Variants in DNAJC15 observed in about 807,000 individuals in gnomAD.
DNAJC15 encodes the protein dnaJ homolog subfamily C member 15.
A neutral mutation model predicts 22.4 loss-of-function variants in DNAJC15; 27 were observed. The ratio of observed to expected loss-of-function variants is 1.20; its 90% CI spans 0.89 to 1.66. The LOEUF is 1.66. Among genes scored for constraint, DNAJC15 ranks in the 40% most tolerant of loss-of-function variants. DNAJC15 has a pLI of 0.00. For missense variants in DNAJC15, 208 were observed against 187.1 expected, an observed-to-expected ratio of 1.11 and a Z score of -0.65; for synonymous variants, 79 against 63.2, an observed-to-expected ratio of 1.25 and a Z score of -1.19.
At chr13:43,049,289 CT>C (rs1736217815) in intron 1 of DNAJC15, among the ~76,000 whole-genome samples, 1 of 152,122 alleles carries the variant, frequency 6.6e-6, no homozygotes, top group South Asian at 2.1e-4. Context: ...CATTCTGTTA[CT>C]GGCAGTTTAG....
intron 4 of DNAJC15, among the ~76,000 whole-genome samples, chr13:43,081,464 A>T (rs2153441442): frequency 6.6e-6 from 1 of 151,294 alleles, no homozygotes; most frequent in East Asian, 1.9e-4. Context: ...TTTGAGACAG[A>T]GTCTTGCTCT....
intron 1 of DNAJC15, among the ~76,000 whole-genome samples, chr13:43,034,593 G>A (rs903142712): frequency 4.0e-4 from 60 of 148,812 alleles, no homozygotes; most frequent in Middle Eastern, 3.4e-3. Context: ...AGGATTACAG[G>A]CGTGAGCCAC....
At chr13:43,024,043 G>A (rs1186664314) in intron 1 of DNAJC15, among the ~76,000 whole-genome samples, 1 of 152,204 alleles carries the variant, frequency 6.6e-6, no homozygotes, top group Non-Finnish European at 1.5e-5. Context: ...TATCTCATAG[G>A]AGGCCCTAAA....
intron 5 of DNAJC15, among the ~76,000 whole-genome samples, chr13:43,093,559 T>G (rs1053580144): frequency 1.3e-5 from 2 of 152,100 alleles, no homozygotes; most frequent in African/African-American, 4.8e-5. Context: ...AATAGGTGTG[T>G]GCCAACATAC....
chr13:43,043,654 G>A (rs1367041895), intron 1 of DNAJC15, among the ~76,000 whole-genome samples: 1 of 152,088 alleles, frequency 6.6e-6, no homozygotes, highest in Non-Finnish European at 1.5e-5. Flanking sequence ...TAAGAGTTTT[G>A]TTTCCTAACA....
chr13:43,081,648 A>G (rs1015060415), intron 4 of DNAJC15, among the ~76,000 whole-genome samples: 2 of 151,904 alleles, frequency 1.3e-5, no homozygotes, highest in African/African-American at 2.4e-5. Context: ...CCGTGTTAGC[A>G]GGATGGTCTC....
chr13:43,085,700 T>A, intron 4 of DNAJC15, 68 bp from the exon 5 acceptor site: 1 of 1,395,734 alleles, frequency 7.2e-7, no homozygotes, highest in Non-Finnish European at 9.9e-7. Flanking sequence ...TTGAAACCCA[T>A]ATAAACCCTT....
intron 3 of DNAJC15, among the ~76,000 whole-genome samples, chr13:43,077,883 TCATA>T (rs1393793906): frequency 2.0e-5 from 3 of 152,224 alleles, no homozygotes; most frequent in African/African-American, 7.2e-5. Flanking sequence ...CCGCCTTAGT[TCATA>T]CCATCATCAT....
intron 5 of DNAJC15, among the ~76,000 whole-genome samples, chr13:43,101,825 T>G (rs1420766406): frequency 1.4e-4 from 21 of 152,208 alleles, no homozygotes; most frequent in Admixed American, 1.4e-3. Flanking sequence ...TTCTTTATCC[T>G]CATGTTGGTT....
At chr13:43,034,305 C>CTTTTTTTTTTTT (rs753362468) in intron 1 of DNAJC15, among the ~76,000 whole-genome samples, 1 of 60,606 alleles carries the variant, frequency 1.7e-5, no homozygotes, top group African/African-American at 7.5e-5. Flanking sequence ...GAGATTTGTC[C>CTTTTTTTTTTTT]TTTTTTTTTT....
At chr13:43,072,065 C>G (rs1393231328) in intron 3 of DNAJC15, among the ~76,000 whole-genome samples, 1 of 152,200 alleles carries the variant, frequency 6.6e-6, no homozygotes, top group Non-Finnish European at 1.5e-5. Flanking sequence ...TCCCGCATTC[C>G]TGCATACTCA....
intron 1 of DNAJC15, among the ~76,000 whole-genome samples, chr13:43,051,919 G>A (rs1402432839): frequency 6.6e-6 from 1 of 152,106 alleles, no homozygotes; most frequent in East Asian, 1.9e-4. Context: ...CAGTGTAAAA[G>A]TGTTCCCTTT....
chr13:43,069,513 A>AT (rs1221038270), intron 3 of DNAJC15, among the ~76,000 whole-genome samples: 1 of 152,220 alleles, frequency 6.6e-6, no homozygotes, highest in Non-Finnish European at 1.5e-5. Context: ...CTTATTATAC[A>AT]TTTTTGTACC....
chr13:43,099,554 G>T (rs74060908), intron 5 of DNAJC15, among the ~76,000 whole-genome samples: 2,547 of 152,280 alleles, frequency 0.017, 83 homozygotes, highest in East Asian at 0.1. Context: ...CTTAGAGAAC[G>T]TCTGTCTATT....
In DNAJC15 at chr13:43,109,862, A is replaced by G. The variant is rs1331048938; in HGVS notation, c.*2614A>G. On this transcript the variant is annotated 3_prime_UTR_variant, in exon 6 of 6. Transcript: ENST00000379221. ...TGCCCTAGAACTTAAAGTATAATAA[A>G]AAGAAATTTTAAAAAATCCTGTCAA... The G allele has an allele frequency of 7.0e-6, 1 of 142,458 alleles. No homozygotes were observed. The highest frequency in any genetic ancestry group is 1.6e-5 in the Non-Finnish European group (1 of 61,692). The allele number at this position is 142,458 out of a possible 1,614,324, so 8.8% of individuals were successfully genotyped here.
rs2040364628 is a variant in DNAJC15 at position 43,023,814 on chromosome 13, G to T, written c.108+80G>T. ...CAGCCCCCTCTACCGCCTCACCCTT[G>T]AACCTTTGTACTCCCCCGCATTCGC... On this transcript the variant is annotated intron_variant, in intron 1 of 5. Coordinates refer to ENST00000379221, the MANE Select transcript of DNAJC15 (RefSeq NM_013238.3). 6 of 1,324,870 alleles carry T rather than the reference G, an allele frequency of 4.5e-6. No individual in the cohort carries two copies. The South Asian group carries it at 7.7e-5, about 17-fold the overall frequency. 82.1% of individuals were successfully genotyped at this position (1,324,870 alleles called of 1,614,324 possible). A position where few individuals can be genotyped will look rare whatever the true frequency, so the allele number is the denominator to read the frequency against.
Position 43,108,391 on chromosome 13 carries a change from T to C in DNAJC15, c.*1143T>C, listed in dbSNP as rs1346862788. On this transcript the variant is annotated 3_prime_UTR_variant, in exon 6 of 6. Transcript: ENST00000379221. ...TGCATTAAATTAATTTCTTAGAACA[T>C]AGTCCCTGATCATTATCACTTTACT... 2.0e-5 allele frequency: 3 copies of C among 152,202 alleles called. No homozygotes were observed. Among genetic ancestry groups the C allele is most frequent in the Non-Finnish European group, 2.9e-5 (2 of 68,020 alleles). The allele number at this position is 152,202 out of a possible 1,614,324, so 9.4% of individuals were successfully genotyped here.
At chr13:43,065,613 C>T (rs2040579645) in intron 1 of DNAJC15, 73 bp from the exon 2 acceptor site, 2 of 1,211,030 alleles carry the variant, frequency 1.7e-6, no homozygotes, top group Non-Finnish European at 1.2e-6. Context: ...TAATTATTCT[C>T]ATTATTAAAA....
chr13:43,044,255 C>G (rs1485809664), intron 1 of DNAJC15, among the ~76,000 whole-genome samples: 1 of 152,122 alleles, frequency 6.6e-6, no homozygotes, highest in Non-Finnish European at 1.5e-5. Context: ...GTGATTAACC[C>G]TTGAGAATTA....
Sources: allele counts gnomAD v4.1 joint callset (sites outside exome capture counted in the v4.1 genomes callset), GRCh38; gene constraint gnomAD v4.1.1; transcripts MANE v1.5; gene names NCBI Gene and HGNC (gene_info 2026-07-23, HGNC 2026-07-21).